Variants in GRM7 observed in about 807,000 individuals in gnomAD.
GRM7 encodes the protein glutamate metabotropic receptor 7.
GRM7 carries 35 observed loss-of-function variants against 84.5 expected under a neutral mutation model. That is an observed-to-expected ratio of 0.41 (90% CI 0.32 to 0.55). The LOEUF (loss-of-function observed/expected upper bound fraction) is 0.55, where lower values mean the gene tolerates loss of function less well. Among genes scored for constraint, GRM7 ranks in the 20% least tolerant of loss-of-function variants. GRM7 has a pLI of 0.19. For missense variants in GRM7, 1,003 were observed against 1,194.6 expected, an observed-to-expected ratio of 0.84 and a Z score of 2.36; for synonymous variants, 487 against 455.1, an observed-to-expected ratio of 1.07 and a Z score of -0.89.
intron 2 of GRM7, among the ~76,000 whole-genome samples, chr3:7,150,687 T>C (rs1428470843): frequency 6.6e-6 from 1 of 152,234 alleles, no homozygotes. Context: ...AGGCAATTTA[T>C]TTCTTAATAT....
At chr3:7,070,118 C>T (rs1697811195) in intron 1 of GRM7, among the ~76,000 whole-genome samples, 1 of 152,020 alleles carries the variant, frequency 6.6e-6, no homozygotes, top group Non-Finnish European at 1.5e-5. Context: ...AGGATAGCTG[C>T]TCAGTAAATA....
intron 1 of GRM7, among the ~76,000 whole-genome samples, chr3:7,047,843 G>C (rs148534548): frequency 1.6e-4 from 24 of 152,060 alleles, no homozygotes; most frequent in African/African-American, 5.3e-4. Flanking sequence ...TTCCAAGAAT[G>C]GTTTTCTCTC....
intron 8 of GRM7, among the ~76,000 whole-genome samples, chr3:7,618,962 A>G (rs1697238972): frequency 6.6e-6 from 1 of 152,160 alleles, no homozygotes; most frequent in Non-Finnish European, 1.5e-5. Context: ...TCGGAGATCA[A>G]AAAAAGAATT....
intron 1 of GRM7, among the ~76,000 whole-genome samples, chr3:7,015,275 G>A (rs1351195473): frequency 6.6e-6 from 1 of 152,114 alleles, no homozygotes; most frequent in East Asian, 1.9e-4. Context: ...CACTGTGAAG[G>A]TCCGTGGCTT....
At chr3:7,034,903 C>T (rs756584467) in intron 1 of GRM7, among the ~76,000 whole-genome samples, 16 of 152,140 alleles carry the variant, frequency 1.1e-4, no homozygotes, top group Non-Finnish European at 2.1e-4. Flanking sequence ...CTCAGACTTT[C>T]AGAAAGGGTC....
intron 2 of GRM7, among the ~76,000 whole-genome samples, chr3:7,182,257 T>C (rs192300165): frequency 4.7e-4 from 72 of 152,310 alleles, no homozygotes; most frequent in African/African-American, 1.6e-3. Flanking sequence ...TATCCTAATG[T>C]CTTTTAACCT....
intron 2 of GRM7, among the ~76,000 whole-genome samples, chr3:7,163,739 C>G (rs1415854828): frequency 6.6e-6 from 1 of 152,086 alleles, no homozygotes; most frequent in Non-Finnish European, 1.5e-5. Flanking sequence ...AGAAATTATT[C>G]CAGATAGAAG....
intron 2 of GRM7, among the ~76,000 whole-genome samples, chr3:7,247,013 T>C (rs1458466043): frequency 6.6e-6 from 1 of 151,936 alleles, no homozygotes; most frequent in Non-Finnish European, 1.5e-5. Context: ...ACCAAACATA[T>C]CAACTGATTT....
intron 5 of GRM7, among the ~76,000 whole-genome samples, chr3:7,430,554 T>C (rs1214143351): frequency 6.6e-6 from 1 of 152,236 alleles, no homozygotes; most frequent in African/African-American, 2.4e-5. Context: ...AGAACACTTC[T>C]TTAGAAGTTA....
chr3:7,545,718 A>C (rs565029627), intron 7 of GRM7, among the ~76,000 whole-genome samples: 1 of 152,176 alleles, frequency 6.6e-6, no homozygotes, highest in Admixed American at 6.5e-5. Context: ...TGATTGAGAG[A>C]AAGAAGAAGG....
intron 2 of GRM7, among the ~76,000 whole-genome samples, chr3:7,269,904 C>G (rs1203322836): frequency 3.9e-5 from 6 of 152,000 alleles, no homozygotes; most frequent in African/African-American, 1.2e-4. Context: ...CACCTTTTCA[C>G]CTCTGTCATT....
intron 1 of GRM7, among the ~76,000 whole-genome samples, chr3:7,142,021 A>C (rs1430381313): frequency 6.6e-6 from 1 of 152,110 alleles, no homozygotes; most frequent in Non-Finnish European, 1.5e-5. Context: ...AATACTCATG[A>C]GTATGTATAA....
chr3:7,349,095 C>A (rs1693019406), intron 4 of GRM7, among the ~76,000 whole-genome samples: 1 of 152,084 alleles, frequency 6.6e-6, no homozygotes, highest in Admixed American at 6.6e-5. Context: ...TGTCTTCCCT[C>A]CCTAGTTTTC....
At chr3:7,400,075 A>G (rs1481447448) in intron 4 of GRM7, among the ~76,000 whole-genome samples, 4 of 152,142 alleles carry the variant, frequency 2.6e-5, no homozygotes, top group Non-Finnish European at 5.9e-5. Flanking sequence ...TCTCTTTACT[A>G]CTTTTGTTTT....
intron 1 of GRM7, among the ~76,000 whole-genome samples, chr3:6,919,388 A>ATTGG (rs1697046705): frequency 7.8e-6 from 1 of 128,364 alleles, no homozygotes; most frequent in African/African-American, 2.7e-5. Context: ...TTTTTTTTTA[A>ATTGG]TAGAGATGGG....
chr3:6,916,434 AG>A (rs1696942792), intron 1 of GRM7, among the ~76,000 whole-genome samples: 1 of 152,228 alleles, frequency 6.6e-6, no homozygotes, highest in African/African-American at 2.4e-5. Flanking sequence ...GTGGCAGTAT[AG>A]GGGGAGTCAC....
intron 9 of GRM7, among the ~76,000 whole-genome samples, chr3:7,692,527 C>T (rs1700846168): frequency 6.6e-6 from 1 of 152,148 alleles, no homozygotes; most frequent in Non-Finnish European, 1.5e-5. Context: ...GGGGGCCAGA[C>T]TCATTCATCT....
rs181276070 is a variant in GRM7 at position 7,608,908 on chromosome 3, G to C, written c.2451+29551G>C. 1.3e-4 allele frequency among the ~76,000 whole-genome samples: 20 copies of C among 152,222 alleles called. No homozygotes were observed. The East Asian group carries it at 3.9e-3, about 29-fold the overall frequency. The stretch of plus-strand genomic sequence containing the variant: ...ATTTTTCTGTATGATGTAAGAAAGG[G>C]GTCCAGCTTCAATTTTCTGCACGTG... On this transcript the variant is annotated intron_variant, in intron 8 of 9. Coordinates refer to ENST00000357716, the MANE Select transcript of GRM7 (RefSeq NM_000844.4).
At chr3:7,080,104 T>C (rs2124996097) in intron 1 of GRM7, among the ~76,000 whole-genome samples, 1 of 152,178 alleles carries the variant, frequency 6.6e-6, no homozygotes, top group South Asian at 2.1e-4. Context: ...TTTTATAGTG[T>C]CTTTATTTCT....
Sources: allele counts gnomAD v4.1 joint callset (sites outside exome capture counted in the v4.1 genomes callset), GRCh38; gene constraint gnomAD v4.1.1; transcripts MANE v1.5; gene names NCBI Gene and HGNC (gene_info 2026-07-23, HGNC 2026-07-21).